TBCD: variants seen among roughly 807,000 people sequenced by gnomAD.
The protein encoded by TBCD is tubulin-specific chaperone D.
In TBCD, 105 loss-of-function variants were observed where a neutral mutation model predicts 169.3. That is an observed-to-expected ratio of 0.62 (90% CI 0.53 to 0.73). The LOEUF (loss-of-function observed/expected upper bound fraction) is 0.73. TBCD is among the 30% of genes least tolerant of loss of function. TBCD has a pLI of 0.00. For missense variants in TBCD, 1,444 were observed against 1,600.1 expected (o/e 0.90, Z 1.66); for synonymous variants, 700 against 643.9 (o/e 1.09, Z -1.32).
Position 82,923,072 on chromosome 17 carries a change from C to T in TBCD, c.2179-580C>T, listed in dbSNP as rs867198012. On this transcript the variant is annotated intron_variant, in intron 25 of 38. Coordinates refer to ENST00000355528, the MANE Select transcript of TBCD (RefSeq NM_005993.5). This position sits in a 1 kb window ranked among gnomAD's most constrained non-coding sequence, Gnocchi z 4.6. The stretch of plus-strand genomic sequence containing the variant: ...GGCCCCAACTCCTGTTCCCAGTGCG[C>T]CCCCGGAGCCCTGTCTCTCTAAATG... Among the ~76,000 whole-genome samples, 1 of 152,230 alleles carries T rather than the reference C, an allele frequency of 6.6e-6. No homozygotes were observed. The highest frequency in any genetic ancestry group is 2.4e-5 in the African/African-American group (1 of 41,460).
At position 82,920,447 on chromosome 17, in the gene TBCD, G is replaced by A; in HGVS notation, c.2039-109G>A. 1 of 917,316 alleles carries A rather than the reference G, an allele frequency of 1.1e-6. No individual in the cohort carries two copies. The allele number at this position is 917,316 out of a possible 1,614,324, so 56.8% of individuals were successfully genotyped here. A position where few individuals can be genotyped will look rare whatever the true frequency, so the allele number is the denominator to read the frequency against. ...GCAGCAGGGTAGGTTGGGCGGGTGA[G>A]GGGCAGGAGCTGGCCGCACACAACT... On this transcript the variant is annotated intron_variant, in intron 23 of 38. Coordinates refer to ENST00000355528, the MANE Select transcript of TBCD (RefSeq NM_005993.5). This position sits in a 1 kb window ranked among gnomAD's most constrained non-coding sequence, Gnocchi z 4.1.
At chr17:82,939,852 T>C (rs1248844223) in intron 37 of TBCD, among the ~76,000 whole-genome samples, 1 of 152,080 alleles carries the variant, frequency 6.6e-6, no homozygotes, top group African/African-American at 2.4e-5. Flanking sequence ...TGAGCACCTG[T>C]TGGAAATCAA....
chr17:82,797,308 A>G (rs2050171533), intron 7 of TBCD, among the ~76,000 whole-genome samples: 1 of 152,122 alleles, frequency 6.6e-6, no homozygotes, highest in Non-Finnish European at 1.5e-5. Context: ...CACCCTTCTC[A>G]TTTGTTGGTG....
intron 14 of TBCD, among the ~76,000 whole-genome samples, chr17:82,878,517 G>A (rs927306637): frequency 8.1e-5 from 2 of 24,626 alleles, no homozygotes; most frequent in African/African-American, 1.5e-4. Context: ...GCTTTCTCGT[G>A]TGTTACTGGA....
At chr17:82,816,848 T>TAAA (rs35049574) in intron 13 of TBCD, among the ~76,000 whole-genome samples, 21 of 115,730 alleles carry the variant, frequency 1.8e-4, no homozygotes, top group African/African-American at 3.7e-4. Flanking sequence ...CCTGCTTCTT[T>TAAA]AAAAAAAAAA....
At chr17:82,899,380 T>A (rs565330183) in intron 17 of TBCD, among the ~76,000 whole-genome samples, 24 of 135,646 alleles carry the variant, frequency 1.8e-4, no homozygotes, top group Non-Finnish European at 3.7e-4. Flanking sequence ...AGCGCACGTG[T>A]CCTCAGCACG....
chr17:82,786,547 T>C (rs979677715), intron 7 of TBCD, among the ~76,000 whole-genome samples: 2 of 152,212 alleles, frequency 1.3e-5, no homozygotes, highest in African/African-American at 4.8e-5. Flanking sequence ...CACCCCATGC[T>C]GTTGGGTCAG....
chr17:82,839,013 A>C, intron 13 of TBCD: 1 of 977,894 alleles, frequency 1.0e-6, no homozygotes, highest in Non-Finnish European at 1.2e-6. Context: ...ATATAAGGAA[A>C]AAAACCCTTT....
chr17:82,941,425 A>G lies in TBCD; in HGVS notation c.3506A>G (p.Glu1169Gly). 1 of 1,600,778 alleles carries G rather than the reference A, an allele frequency of 6.2e-7. No individual in the cohort carries two copies. Among genetic ancestry groups the G allele is most frequent in the Non-Finnish European group, 8.5e-7 (1 of 1,176,612 alleles). Residue 1169 changes from glutamate (E) to glycine (G), a missense_variant, in exon 38 of 39, where the codon GAG (glutamate) becomes GGG (glycine). Physicochemically the swap from Glu to Gly is moderately conservative, Grantham distance 98 (BLOSUM62 -2). Coordinates refer to ENST00000355528, the MANE Select transcript of TBCD (RefSeq NM_005993.5). The stretch of plus-strand genomic sequence containing the variant: ...GACGCGGAGCTTGCAGTGGTGAGAG[A>G]GCAGCGCAACCGTCTGTGTGACCTT... ...AWDAELAVVR[E>G]QRNRLCDLLG...
intron 16 of TBCD, chr17:82,893,339 C>T (rs909084399): frequency 1.8e-5 from 10 of 558,838 alleles, no homozygotes; most frequent in African/African-American, 7.6e-5. Flanking sequence ...AATGATTTAG[C>T]GTGGTGTTGC....
In TBCD at chr17:82,920,911, C is replaced by G; in HGVS notation, c.2101+293C>G. The G allele has an allele frequency of 2.4e-6, 1 of 411,510 alleles. No individual in the cohort carries two copies. Among genetic ancestry groups the G allele is most frequent in the Non-Finnish European group, 4.4e-6 (1 of 228,138 alleles). 25.5% of individuals were successfully genotyped at this position (411,510 alleles called of 1,614,324 possible). A position where few individuals can be genotyped will look rare whatever the true frequency, so the allele number is the denominator to read the frequency against. On this transcript the variant is annotated intron_variant, in intron 24 of 38. Transcript: ENST00000355528. The surrounding 1 kb of genome is among the most constrained non-coding windows in gnomAD (Gnocchi z 4.1). The stretch of plus-strand genomic sequence containing the variant: ...TGGGTCAGTTCTTCTCCCAGGCAGA[C>G]AGTCGGGAGCTGCAGCCACCCAGGC...
intron 13 of TBCD, among the ~76,000 whole-genome samples, chr17:82,847,482 A>G (rs907648557): frequency 6.6e-6 from 1 of 152,130 alleles, no homozygotes; most frequent in African/African-American, 2.4e-5. Context: ...GTGGTGAGAT[A>G]CAGCCAAGGT....
chr17:82,831,214 C>T lies in TBCD; in HGVS notation c.1318+16280C>T. ...CTGCATGAAGTCGGTGGGGCTCGGC[C>T]TCCCTGGGGAGCCCGTGGCTGCACT... On this transcript the variant is annotated intron_variant, in intron 13 of 38. Transcript: ENST00000355528. The surrounding 1 kb of genome is among the most constrained non-coding windows in gnomAD (Gnocchi z 4.6). 6.2e-7 allele frequency: 1 copy of T among 1,614,090 alleles called. No homozygotes were observed. Among genetic ancestry groups the T allele is most frequent in the Non-Finnish European group, 8.5e-7 (1 of 1,180,040 alleles).
At chr17:82,867,777 T>C (rs60916637) in intron 13 of TBCD, among the ~76,000 whole-genome samples, 5,321 of 152,290 alleles carry the variant, frequency 0.035, 330 homozygotes, top group African/African-American at 0.12. Context: ...GGAAAATGTT[T>C]GACATTTACA....
At chr17:82,910,543 T>C (rs926452011) in intron 22 of TBCD, among the ~76,000 whole-genome samples, 2 of 152,142 alleles carry the variant, frequency 1.3e-5, no homozygotes, top group African/African-American at 2.4e-5. Context: ...TCTCCAGCTC[T>C]GTGGTTCACT....
At chr17:82,928,843 G>A (rs2061972906) in intron 30 of TBCD, among the ~76,000 whole-genome samples, 1 of 152,122 alleles carries the variant, frequency 6.6e-6, no homozygotes, top group Non-Finnish European at 1.5e-5. Context: ...CAGCACGCAT[G>A]TAACACGTAG....
At chr17:82,881,323 T>C (rs559552213) in intron 14 of TBCD, among the ~76,000 whole-genome samples, 36 of 147,234 alleles carry the variant, frequency 2.4e-4, no homozygotes, top group African/African-American at 8.6e-4. Context: ...GATCCGTGGT[T>C]GTTAGTAATT....
chr17:82,797,739 CT>C lies in TBCD; in HGVS notation c.772-3del, dbSNP rs36020328. ...TATTTGTATTTGTAACATTAAAAAT[CT>C]TTTTTTTTTTTTTTAGGCACAAATA... On this transcript the variant is annotated splice_polypyrimidine_tract_variant and intron_variant, in intron 7 of 38. Coordinates refer to ENST00000355528, the MANE Select transcript of TBCD (RefSeq NM_005993.5). 155,275 of 1,270,936 alleles carry C rather than the reference CT, an allele frequency of 0.12. 1,794 individuals are homozygous for C. Among genetic ancestry groups the C allele is most frequent in the African/African-American group, 0.3 (19,126 of 63,978 alleles). 78.7% of individuals were successfully genotyped at this position (1,270,936 alleles called of 1,614,324 possible). A position where few individuals can be genotyped will look rare whatever the true frequency, so the allele number is the denominator to read the frequency against.
At chr17:82,761,710 A>G (rs1047231540) in intron 2 of TBCD, among the ~76,000 whole-genome samples, 14 of 78,242 alleles carry the variant, frequency 1.8e-4, no homozygotes, top group African/African-American at 3.5e-4. Context: ...ATAAATCACA[A>G]TTTGTTTCTT....
Sources: allele counts gnomAD v4.1 joint callset (sites outside exome capture counted in the v4.1 genomes callset), GRCh38; gene constraint gnomAD v4.1.1; non-coding constraint Gnocchi (gnomAD v3.1); transcripts MANE v1.5; gene names NCBI Gene and HGNC (gene_info 2026-07-23, HGNC 2026-07-21).